Variants in KIF26B observed in about 807,000 individuals in gnomAD.
The protein encoded by KIF26B is kinesin family member 26B.
Under a neutral mutation model 151.2 loss-of-function variants are expected in KIF26B, and 63 were observed. The ratio of observed to expected loss-of-function variants is 0.42; its 90% confidence interval spans 0.34 to 0.51. The LOEUF is 0.51. Among genes scored for constraint, KIF26B ranks in the 20% least tolerant of loss-of-function variants. The pLI is 0.07. For missense variants in KIF26B, 2,813 were observed against 2,913.6 expected, an observed-to-expected ratio of 0.97 and a Z score of 0.79; for synonymous variants, 1,357 against 1,262.1, an observed-to-expected ratio of 1.08 and a Z score of -1.59.
rs184782051 is a variant in KIF26B at position 245,512,713 on chromosome 1, T to A, written c.1167-28054T>A. 1.3e-5 allele frequency among the ~76,000 whole-genome samples: 2 copies of A among 152,166 alleles called. 1 individual carries two copies. Reference sequence around the variant, plus strand: ...AGACAGAAAACACATGTTGGCAGCATCATGTGAGCGCCTCTCTGCACATAA... The same window carrying A: ...AGACAGAAAACACATGTTGGCAGCAACATGTGAGCGCCTCTCTGCACATAA... On this transcript the variant is annotated intron_variant, in intron 4 of 14. Coordinates refer to ENST00000407071, the MANE Select transcript of KIF26B (RefSeq NM_018012.4). This position sits in a 1 kb window ranked among gnomAD's most constrained non-coding sequence, Gnocchi z 4.3.
rs186003674 is a variant in KIF26B, at chr1:245,468,317, A to T, written c.1166+48572A>T. ...ACATGGAACCAGACAGAGGGGGGTC[A>T]TTGGTTTGGAGAAGGAGAGGGAGGG... On this transcript the variant is annotated intron_variant, in intron 4 of 14. Coordinates refer to ENST00000407071, the MANE Select transcript of KIF26B (RefSeq NM_018012.4). 2.0e-3 allele frequency among the ~76,000 whole-genome samples: 309 copies of T among 152,290 alleles called. 3 individuals carry two copies. The highest frequency in any genetic ancestry group is 9.1e-3 in the South Asian group (44 of 4,828).
chr1:245,264,623 C>T (rs548589479), intron 2 of KIF26B, among the ~76,000 whole-genome samples: 32 of 152,172 alleles, frequency 2.1e-4, no homozygotes, highest in African/African-American at 6.5e-4. Flanking sequence ...GGCTGGATGC[C>T]GTGGCTCACG....
chr1:245,624,203 A>C (rs892055921), intron 9 of KIF26B, among the ~76,000 whole-genome samples: 2 of 151,904 alleles, frequency 1.3e-5, no homozygotes, highest in East Asian at 3.9e-4. Flanking sequence ...AGTCTAATAT[A>C]TATATGGACA....
intron 12 of KIF26B, among the ~76,000 whole-genome samples, chr1:245,697,369 G>A (rs188024483): frequency 7.2e-5 from 11 of 152,306 alleles, no homozygotes; most frequent in Admixed American, 2.0e-4. Context: ...AGAACTAGCC[G>A]TCCTCGTCAC....
At position 245,237,647 on chromosome 1, in the gene KIF26B, A is replaced by G. The variant is rs564874250; in HGVS notation, c.465+80964A>G. ...TTCGGAAACACACACATTTCCTTCC[A>G]TTCTTTACTGGCAACACTGTCTTTT... On this transcript the variant is annotated intron_variant, in intron 2 of 14. Coordinates refer to ENST00000407071, the MANE Select transcript of KIF26B (RefSeq NM_018012.4). Among the ~76,000 whole-genome samples, 3 of 152,236 alleles carry G rather than the reference A, an allele frequency of 2.0e-5. No homozygotes were observed. The South Asian group carries it at 6.2e-4, about 32-fold the overall frequency.
intron 5 of KIF26B, among the ~76,000 whole-genome samples, chr1:245,593,392 A>G (rs1030041617): frequency 6.6e-5 from 10 of 151,718 alleles, no homozygotes; most frequent in African/African-American, 1.7e-4. Context: ...TCATTGTTCA[A>G]CTCCCACTTA....
chr1:245,209,886 C>T (rs1470558629), intron 2 of KIF26B, among the ~76,000 whole-genome samples: 3 of 152,186 alleles, frequency 2.0e-5, no homozygotes, highest in Non-Finnish European at 2.9e-5. Flanking sequence ...GTGGCACGCT[C>T]GGCGTGCAAG....
chr1:245,442,733 T>A (rs56041571), intron 4 of KIF26B, among the ~76,000 whole-genome samples: 1 of 117,304 alleles, frequency 8.5e-6, no homozygotes. Context: ...CACCTAGAGC[T>A]GTCATCTCCC....
intron 5 of KIF26B, among the ~76,000 whole-genome samples, chr1:245,595,946 G>T (rs959003924): frequency 6.6e-6 from 1 of 152,180 alleles, no homozygotes; most frequent in Non-Finnish European, 1.5e-5. Context: ...TAGTTTATTT[G>T]CATAGAGGTG....
intron 2 of KIF26B, among the ~76,000 whole-genome samples, chr1:245,348,072 G>A (rs935031976): frequency 3.3e-5 from 5 of 152,184 alleles, no homozygotes; most frequent in South Asian, 2.1e-4. Context: ...GCATTTGCCC[G>A]TAGATCATTC....
At chr1:245,629,754 T>C (rs1292609080) in intron 9 of KIF26B, among the ~76,000 whole-genome samples, 1 of 152,132 alleles carries the variant, frequency 6.6e-6, no homozygotes, top group Non-Finnish European at 1.5e-5. Context: ...TGGGATCTAA[T>C]TAAGTTAAAG....
Position 245,602,537 on chromosome 1 carries a change from G to A in KIF26B, c.1351-40G>A. The A allele has an allele frequency of 1.3e-6, 2 of 1,533,090 alleles. No individual in the cohort carries two copies. The highest frequency in any genetic ancestry group is 1.8e-6 in the Non-Finnish European group (2 of 1,123,440). The allele number at this position is 1,533,090 out of a possible 1,614,324, so 95.0% of individuals were successfully genotyped here. The stretch of plus-strand genomic sequence containing the variant: ...AGGGTGCTCCATCGTAAAACACCCA[G>A]CTGTCTTCATCCATGCTGTCGCCCA... On this transcript the variant is annotated intron_variant, in intron 5 of 14. Transcript: ENST00000407071. The surrounding 1 kb of genome is among the most constrained non-coding windows in gnomAD (Gnocchi z 4.5).
rs1302713086 is a variant in KIF26B at position 245,569,855 on chromosome 1, G to A, written c.1350+28905G>A. 3.8e-5 allele frequency among the ~76,000 whole-genome samples: 3 copies of A among 78,314 alleles called. No homozygotes were observed. In the Admixed American group the frequency reaches 3.8e-4, roughly 10 times the overall value. 51.4% of individuals were successfully genotyped at this position (78,314 alleles called of 152,430 possible). A position where few individuals can be genotyped will look rare whatever the true frequency, so the allele number is the denominator to read the frequency against. ...AATATAGTTCTTTTGTTGTTCTTTG[G>A]GCCTTCTTTTTTTTTTTTTTTTAAT... On this transcript the variant is annotated intron_variant, in intron 5 of 14. Coordinates refer to ENST00000407071, the MANE Select transcript of KIF26B (RefSeq NM_018012.4).
intron 4 of KIF26B, among the ~76,000 whole-genome samples, chr1:245,455,863 C>A: frequency 6.6e-6 from 1 of 152,170 alleles, no homozygotes; most frequent in Non-Finnish European, 1.5e-5. Flanking sequence ...AGCCACTCAG[C>A]ACTGGGTATG....
In KIF26B at chr1:245,578,028, A is replaced by C. The variant is rs1200683012; in HGVS notation, c.1351-24549A>C. Among the ~76,000 whole-genome samples the C allele has an allele frequency of 2.0e-5, 3 of 152,070 alleles. No individual in the cohort carries two copies. The East Asian group carries it at 5.8e-4, about 29-fold the overall frequency. On this transcript the variant is annotated intron_variant, in intron 5 of 14. Transcript: ENST00000407071. Reference sequence around the variant, plus strand: ...AGCTTTGTGGAACTCTGGGCAATGCATCCCCTAACCGGAAGAGCTTTGTGG... The same window carrying C: ...AGCTTTGTGGAACTCTGGGCAATGCCTCCCCTAACCGGAAGAGCTTTGTGG...
chr1:245,488,539 A>AC lies in KIF26B; in HGVS notation c.1167-52223dup, dbSNP rs1660330298. Among the ~76,000 whole-genome samples the AC allele has an allele frequency of 6.6e-6, 1 of 151,484 alleles. No individual in the cohort carries two copies. The highest frequency in any genetic ancestry group is 6.6e-5 in the Admixed American group (1 of 15,210). ...AGAAACAGCCCCCGGGGAATGAACT[A>AC]CCCCCTCTGCCTCGGGGACAGGCAC... is the stretch of plus-strand genomic sequence containing the variant. On this transcript the variant is annotated intron_variant, in intron 4 of 14. Transcript: ENST00000407071. The surrounding 1 kb of genome is among the most constrained non-coding windows in gnomAD (Gnocchi z 4.6).
In KIF26B at chr1:245,457,162, A is replaced by G. The variant is rs557209254; in HGVS notation, c.1166+37417A>G. ...ATTACAGGCATGAGCCACTGCACCC[A>G]GCCCATAAATGCTTTTTTAATGAGA... On this transcript the variant is annotated intron_variant, in intron 4 of 14. Coordinates refer to ENST00000407071, the MANE Select transcript of KIF26B (RefSeq NM_018012.4). Among the ~76,000 whole-genome samples, 89 of 152,334 alleles carry G rather than the reference A, an allele frequency of 5.8e-4. 1 individual carries two copies. In the East Asian group the frequency reaches 7.5e-3, roughly 13 times the overall value.
chr1:245,638,814 C>T (rs1402168695), intron 9 of KIF26B, among the ~76,000 whole-genome samples: 1 of 151,820 alleles, frequency 6.6e-6, no homozygotes, highest in Non-Finnish European at 1.5e-5. Context: ...TTGAACTATC[C>T]TTGCATCACT....
intron 4 of KIF26B, among the ~76,000 whole-genome samples, chr1:245,489,001 G>C (rs187611221): frequency 1.3e-5 from 2 of 152,220 alleles, no homozygotes; most frequent in Middle Eastern, 3.4e-3. Context: ...TCTAGGCTCC[G>C]GTACTCTAGA....
Sources: gnomAD v4.1 joint callset for allele counts (sites outside exome capture counted in the v4.1 genomes callset) on GRCh38, gnomAD v4.1.1 for gene constraint, Gnocchi (gnomAD v3.1) non-coding constraint, MANE v1.5 for transcripts, NCBI Gene and HGNC (gene_info 2026-07-23, HGNC 2026-07-21) for gene names.